Variants in SLC38A1 observed in about 807,000 individuals in gnomAD.
SLC38A1 encodes the protein solute carrier family 38 member 1, also known as sodium-coupled neutral amino acid symporter 1.
A neutral mutation model predicts 60.3 loss-of-function variants in SLC38A1; 18 were observed. The ratio of observed to expected loss-of-function variants is 0.30; its 90% confidence interval spans 0.21 to 0.44. SLC38A1 has a LOEUF of 0.44. SLC38A1 is among the 20% of genes least tolerant of loss of function. The probability of loss-of-function intolerance (pLI) is 1.00; values close to 1 mark genes in which losing one functional copy is unlikely to be tolerated. For missense variants in SLC38A1, 448 were observed against 587.2 expected (o/e 0.76, Z 2.45); for synonymous variants, 196 against 212.1 (o/e 0.92, Z 0.66).
rs1475406990 is a variant in SLC38A1 at position 46,207,167 on chromosome 12, T to C, written c.551A>G (p.Glu184Gly). 6.2e-7 allele frequency: 1 copy of C among 1,611,036 alleles called. No individual in the cohort carries two copies. Among genetic ancestry groups the C allele is most frequent in the South Asian group, 1.1e-5 (1 of 90,486 alleles). The change falls in exon 8 of 17, where the codon GAA becomes GGA. Residue 184 changes from glutamate (E) to glycine (G), a missense_variant. Physicochemically the swap from Glu to Gly is moderately conservative, Grantham distance 98. Transcript: ENST00000398637. The stretch of plus-strand genomic sequence containing the variant: ...GTCTATAACTTACGAAAATGTCTCT[T>C]CCTTTCCCATTAGAAACTTTATGGC... ...PSAIKFLMGK[E>G]ETFSAWYVDG...
intron 16 of SLC38A1, among the ~76,000 whole-genome samples, chr12:46,193,073 C>T (rs1044238875): frequency 6.6e-6 from 1 of 152,190 alleles, no homozygotes; most frequent in African/African-American, 2.4e-5. Context: ...GCATTTAGTG[C>T]TATAAATTTC....
intron 13 of SLC38A1, 28 bp downstream of exon 13, chr12:46,201,070 T>C (rs1262884247): frequency 7.0e-7 from 1 of 1,428,102 alleles, no homozygotes; most frequent in African/African-American, 1.4e-5. Context: ...CAAATATTTA[T>C]ATTTATGTAC....
Position 46,237,665 on chromosome 12 carries a change from T to A in SLC38A1, c.122+2014A>T, listed in dbSNP as rs549314811. On this transcript the variant is annotated intron_variant, in intron 3 of 16. Transcript: ENST00000398637. Reference sequence around the variant, plus strand: ...AGATGTTTCTCCCATCTACTGCAAGTGGTAATCATCTAAAAACTTGACATT... The same window carrying A: ...AGATGTTTCTCCCATCTACTGCAAGAGGTAATCATCTAAAAACTTGACATT... Among the ~76,000 whole-genome samples the A allele has an allele frequency of 2.7e-4, 41 of 151,976 alleles. 1 individual carries two copies. Among genetic ancestry groups the A allele is most frequent in the African/African-American group, 9.7e-4 (40 of 41,244 alleles).
At position 46,209,509 on chromosome 12, in the gene SLC38A1, C is replaced by T. The variant is rs1940054482; in HGVS notation, c.315-382G>A. Among the ~76,000 whole-genome samples, 4 of 152,180 alleles carry T rather than the reference C, an allele frequency of 2.6e-5. No individual in the cohort carries two copies. The South Asian group carries it at 8.3e-4, about 31-fold the overall frequency. ...TGGGAGGGGCGGAGGGAAAGGCTGGCAGTGACCTTAGGAGAATGACCACCT... is the reference window on the plus strand; with the variant it reads ...TGGGAGGGGCGGAGGGAAAGGCTGGTAGTGACCTTAGGAGAATGACCACCT... On this transcript the variant is annotated intron_variant, in intron 5 of 16. Coordinates refer to ENST00000398637, the MANE Select transcript of SLC38A1 (RefSeq NM_030674.4).
At chr12:46,203,176 T>C in intron 11 of SLC38A1, 87 bp from the exon 12 acceptor site, 1 of 1,046,078 alleles carries the variant, frequency 9.6e-7, no homozygotes, top group South Asian at 1.4e-5. Flanking sequence ...TGTCTTTTTA[T>C]CTGACAGCTC....
At position 46,201,142 on chromosome 12, in the gene SLC38A1, AC is replaced by A; in HGVS notation, c.958del (p.Val320LeufsTer5). 6.2e-7 allele frequency: 1 copy of A among 1,613,688 alleles called. No homozygotes were observed. Among genetic ancestry groups the A allele is most frequent in the Non-Finnish European group, 8.5e-7 (1 of 1,179,796 alleles). ...AAAAATGGCAGTCAAGAAGTACATA[AC>A]AAACATGGCGAAAAAGGAGATGTTT... ...VSNISFFAMFVMYFLTAIFGY... is the reference protein window; with the variant it reads ...VSNISFFAMFXMYFLTAIFGY... On this transcript the variant is annotated frameshift_variant, in exon 13 of 17. Coordinates refer to ENST00000398637, the MANE Select transcript of SLC38A1 (RefSeq NM_030674.4). LOFTEE classifies it high-confidence loss of function.
chr12:46,219,711 C>A (rs190500138), intron 5 of SLC38A1, among the ~76,000 whole-genome samples: 2 of 152,138 alleles, frequency 1.3e-5, no homozygotes, highest in Non-Finnish European at 2.9e-5. Context: ...GTGATAACTC[C>A]AACCTGGCCT....
intron 5 of SLC38A1, among the ~76,000 whole-genome samples, chr12:46,209,765 G>T (rs1017090498): frequency 7.2e-5 from 11 of 152,060 alleles, no homozygotes; most frequent in African/African-American, 2.7e-4. Context: ...ATAATGAAAA[G>T]ACTTTTTTGA....
At position 46,197,916 on chromosome 12, in the gene SLC38A1, T is replaced by C. The variant is rs373413303; in HGVS notation, c.1264+3A>G. 82 of 1,613,958 alleles carry C rather than the reference T, an allele frequency of 5.1e-5. 3 individuals are homozygous for C. The South Asian group carries it at 7.4e-4, about 14-fold the overall frequency. On this transcript the variant is annotated splice_donor_region_variant and intron_variant, in intron 15 of 16. Transcript: ENST00000398637. ...TGACAAGCACAAAGTCATGAAGCCA[T>C]ACCTACGACTCCAAAAATATCCTTC...
At chr12:46,192,274 G>A (rs1211829858) in intron 16 of SLC38A1, among the ~76,000 whole-genome samples, 4 of 152,192 alleles carry the variant, frequency 2.6e-5, no homozygotes, top group Non-Finnish European at 5.9e-5. Flanking sequence ...TGCATCCCAG[G>A]GATGAAGCTG....
At position 46,199,830 on chromosome 12, in the gene SLC38A1, G is replaced by T. The variant is rs543134602; in HGVS notation, c.1004-1087C>A. Among the ~76,000 whole-genome samples, 819 of 152,180 alleles carry T rather than the reference G, an allele frequency of 5.4e-3. 5 individuals are homozygous for T. Among genetic ancestry groups the T allele is most frequent in the Middle Eastern group, 0.02 (6 of 294 alleles). On this transcript the variant is annotated intron_variant, in intron 13 of 16. Coordinates refer to ENST00000398637, the MANE Select transcript of SLC38A1 (RefSeq NM_030674.4). Reference sequence around the variant, plus strand: ...GGCCTCTCACTGCACCAGTCTCAAGGTCCTCAGCATGGAATTCAAATGCTA... The same window carrying T: ...GGCCTCTCACTGCACCAGTCTCAAGTTCCTCAGCATGGAATTCAAATGCTA...
At chr12:46,227,710 A>G (rs540500975) in intron 5 of SLC38A1, among the ~76,000 whole-genome samples, 1 of 152,326 alleles carries the variant, frequency 6.6e-6, no homozygotes, top group African/African-American at 2.4e-5. Context: ...CTTTGGAATG[A>G]CTGAAAATAG....
intron 1 of SLC38A1, chr12:46,267,672 A>G (rs1942399863): frequency 6.6e-6 from 1 of 152,248 alleles, no homozygotes; most frequent in Non-Finnish European, 1.5e-5. Flanking sequence ...CCCGGCACCG[A>G]CCCACGCGTT....
intron 1 of SLC38A1, among the ~76,000 whole-genome samples, chr12:46,260,476 T>G (rs1942163698): frequency 1.3e-5 from 2 of 152,220 alleles, no homozygotes; most frequent in East Asian, 3.8e-4. Context: ...ACATGTTTCT[T>G]CATCTGTAAA....
intron 5 of SLC38A1, among the ~76,000 whole-genome samples, 165 bp downstream of exon 5, chr12:46,228,988 A>C (rs1175056397): frequency 6.6e-6 from 1 of 152,380 alleles, no homozygotes; most frequent in Non-Finnish European, 1.5e-5. Flanking sequence ...CATTAGGTAC[A>C]GTTTGGAAAA....
chr12:46,263,807 C>A (rs1437889003), intron 1 of SLC38A1, among the ~76,000 whole-genome samples: 1 of 152,226 alleles, frequency 6.6e-6, no homozygotes, highest in Admixed American at 6.5e-5. Flanking sequence ...AAACTGTAAC[C>A]TGAGGCTGTG....
chr12:46,242,826 T>C (rs923144564), intron 2 of SLC38A1, among the ~76,000 whole-genome samples: 1 of 151,900 alleles, frequency 6.6e-6, no homozygotes, highest in Non-Finnish European at 1.5e-5. Flanking sequence ...AAGCAACACA[T>C]ACTCACTGTA....
chr12:46,192,709 T>C (rs563472902), intron 16 of SLC38A1, among the ~76,000 whole-genome samples: 10 of 152,316 alleles, frequency 6.6e-5, no homozygotes, highest in African/African-American at 2.4e-4. Context: ...GATTTTCTAG[T>C]TTATTTGTGT....
chr12:46,263,947 G>A (rs1198617845), intron 1 of SLC38A1, among the ~76,000 whole-genome samples: 2 of 152,174 alleles, frequency 1.3e-5, no homozygotes, highest in East Asian at 1.9e-4. Context: ...AATTTCTGAT[G>A]TTTGTTTTGT....
Sources: allele counts gnomAD v4.1 joint callset (sites outside exome capture counted in the v4.1 genomes callset), GRCh38; gene constraint gnomAD v4.1.1; transcripts MANE v1.5; gene names NCBI Gene and HGNC (gene_info 2026-07-23, HGNC 2026-07-21).